SLC25A13: variants seen among roughly 807,000 people sequenced by gnomAD.
SLC25A13 encodes the protein electrogenic aspartate/glutamate antiporter SLC25A13, mitochondrial.
In SLC25A13, 70 loss-of-function variants were observed where a neutral mutation model predicts 85.5. The observed-to-expected ratio is 0.82, with a 90% CI of 0.68 to 1.00. The LOEUF is 1.00. Ranked by LOEUF, SLC25A13 falls within the 50% of genes least tolerant of loss-of-function variation. SLC25A13 has a pLI of 0.00. For missense variants in SLC25A13, 765 were observed against 819.8 expected (o/e 0.93, Z 0.82); for synonymous variants, 259 against 288.7 (o/e 0.90, Z 1.04).
intron 11 of SLC25A13, among the ~76,000 whole-genome samples, chr7:96,183,074 G>A (rs1289566136): frequency 6.6e-6 from 1 of 152,164 alleles, no homozygotes; most frequent in African/African-American, 2.4e-5. Context: ...TCAAATGGAA[G>A]GCAGTGACCC....
At chr7:96,228,721 C>T (rs778912514) in intron 4 of SLC25A13, among the ~76,000 whole-genome samples, 1 of 152,104 alleles carries the variant, frequency 6.6e-6, no homozygotes, top group African/African-American at 2.4e-5. Context: ...ACCGTGTGGG[C>T]AGGAACCGTG....
At chr7:96,250,518 A>C (rs1797380584) in intron 3 of SLC25A13, among the ~76,000 whole-genome samples, 1 of 152,230 alleles carries the variant, frequency 6.6e-6, no homozygotes, top group South Asian at 2.1e-4. Flanking sequence ...TTGGGACATG[A>C]GTCCAGTCCC....
intron 14 of SLC25A13, among the ~76,000 whole-genome samples, chr7:96,138,977 T>C (rs1165977956): frequency 6.6e-6 from 1 of 152,180 alleles, no homozygotes; most frequent in Admixed American, 6.5e-5. Context: ...CATTGGAAAT[T>C]ACCCAGGACT....
intron 10 of SLC25A13, 198 bp from the exon 11 acceptor site, chr7:96,184,633 A>T: frequency 1.5e-6 from 1 of 647,534 alleles, no homozygotes; most frequent in Non-Finnish European, 2.6e-6. Flanking sequence ...TAATAAAAGG[A>T]TGTCATAGAT....
chr7:96,262,597 G>C (rs1167615854), intron 3 of SLC25A13, among the ~76,000 whole-genome samples: 1 of 152,172 alleles, frequency 6.6e-6, no homozygotes, highest in Non-Finnish European at 1.5e-5. Flanking sequence ...GCCTCTCATG[G>C]AGGTTTTATA....
chr7:96,122,829 C>T (rs1791569343), intron 15 of SLC25A13, among the ~76,000 whole-genome samples: 1 of 152,214 alleles, frequency 6.6e-6, no homozygotes, highest in South Asian at 2.1e-4. Flanking sequence ...AAAAGCGAGA[C>T]TGTACTCAGA....
chr7:96,125,915 G>A (rs1337469549), intron 15 of SLC25A13, among the ~76,000 whole-genome samples: 2 of 151,856 alleles, frequency 1.3e-5, no homozygotes, highest in Non-Finnish European at 2.9e-5. Flanking sequence ...AAATCTCTCT[G>A]AGGACTCTAA....
chr7:96,171,998 C>T (rs1240771983), intron 11 of SLC25A13, among the ~76,000 whole-genome samples: 1 of 151,582 alleles, frequency 6.6e-6, no homozygotes, highest in Admixed American at 6.6e-5. Context: ...ACACACCAAG[C>T]TAACCCTGAA....
At chr7:96,273,078 C>T (rs1009221661) in intron 3 of SLC25A13, among the ~76,000 whole-genome samples, 2 of 152,120 alleles carry the variant, frequency 1.3e-5, no homozygotes, top group Non-Finnish European at 2.9e-5. Flanking sequence ...CACCTGGACA[C>T]GATCCCTCCT....
At chr7:96,143,444 T>C (rs563087184) in intron 14 of SLC25A13, among the ~76,000 whole-genome samples, 1 of 152,210 alleles carries the variant, frequency 6.6e-6, no homozygotes, top group African/African-American at 2.4e-5. Context: ...GAAGTAGACA[T>C]TGCAGATTTG....
intron 11 of SLC25A13, among the ~76,000 whole-genome samples, chr7:96,173,305 C>T (rs1794084523): frequency 6.6e-6 from 1 of 152,188 alleles, no homozygotes; most frequent in African/African-American, 2.4e-5. Flanking sequence ...TGTATTAACT[C>T]ATTTAGTCTT....
At position 96,322,085 on chromosome 7, in the gene SLC25A13, T is replaced by C. The variant is rs934295299; in HGVS notation, c.-129A>G. 40 of 1,308,730 alleles carry C rather than the reference T, an allele frequency of 3.1e-5. No homozygotes were observed. The highest frequency in any genetic ancestry group is 4.0e-5 in the Non-Finnish European group (38 of 948,500). The allele number at this position is 1,308,730 out of a possible 1,614,324, so 81.1% of individuals were successfully genotyped here. A position where few individuals can be genotyped will look rare whatever the true frequency, so the allele number is the denominator to read the frequency against. On this transcript the variant is annotated 5_prime_UTR_variant, in exon 1 of 18. Transcript: ENST00000265631. ...CGGCGATACGGCCAGGCAGCGTGCG[T>C]TCCTGGCCTGCCTCCCCACGCCCTC... is the stretch of plus-strand genomic sequence containing the variant.
intron 3 of SLC25A13, among the ~76,000 whole-genome samples, chr7:96,245,310 G>A (rs1307145971): frequency 6.6e-6 from 1 of 152,036 alleles, no homozygotes; most frequent in Non-Finnish European, 1.5e-5. Flanking sequence ...TCAATGAGAT[G>A]AGGAGAATCT....
intron 4 of SLC25A13, among the ~76,000 whole-genome samples, chr7:96,214,985 A>T (rs181611836): frequency 3.9e-5 from 6 of 152,312 alleles, no homozygotes; most frequent in Admixed American, 1.3e-4. Flanking sequence ...CCCTAAAATG[A>T]TCTATAGATT....
chr7:96,203,125 T>C (rs181737076), intron 5 of SLC25A13, among the ~76,000 whole-genome samples: 281 of 152,328 alleles, frequency 1.8e-3, no homozygotes, highest in African/African-American at 4.6e-3. Flanking sequence ...ACAAATCTTA[T>C]GAGGTTTGCC....
intron 3 of SLC25A13, among the ~76,000 whole-genome samples, chr7:96,253,680 A>T (rs1252582748): frequency 6.6e-6 from 1 of 152,176 alleles, no homozygotes; most frequent in Non-Finnish European, 1.5e-5. Flanking sequence ...AGCAGACAGC[A>T]TAGGAAGTGT....
chr7:96,216,595 G>T (rs79025653), intron 4 of SLC25A13, among the ~76,000 whole-genome samples: 4,762 of 152,234 alleles, frequency 0.031, 183 homozygotes, highest in African/African-American at 0.09. Flanking sequence ...CATGTCCCTT[G>T]CAGGAACGTC....
intron 1 of SLC25A13, among the ~76,000 whole-genome samples, chr7:96,317,809 TA>T (rs869053384): frequency 0.02 from 2,935 of 148,720 alleles, 114 homozygotes; most frequent in African/African-American, 0.067. Context: ...TACTTTATTT[TA>T]TTTTTTTTTG....
chr7:96,122,111 T>C (rs1791538644), intron 15 of SLC25A13, 114 bp from the exon 16 acceptor site: 2 of 1,387,000 alleles, frequency 1.4e-6, no homozygotes, highest in Non-Finnish European at 2.0e-6. Context: ...TTCAATAAAA[T>C]GCCTATTTTG....
Sources: gnomAD v4.1 joint callset for allele counts (sites outside exome capture counted in the v4.1 genomes callset) on GRCh38, gnomAD v4.1.1 for gene constraint, MANE v1.5 for transcripts, NCBI Gene and HGNC (gene_info 2026-07-23, HGNC 2026-07-21) for gene names.